The following BLOC1S6 variants were observed in gnomAD, a reference collection of about 807,000 sequenced individuals.
The protein encoded by BLOC1S6 is biogenesis of lysosome-related organelles complex 1 subunit 6.
Under a neutral mutation model 24.7 loss-of-function variants are expected in BLOC1S6, and 24 were observed. That is an observed-to-expected ratio of 0.97 (90% confidence interval 0.70 to 1.37). The LOEUF is 1.37. BLOC1S6 is among the 40% of genes most tolerant of loss of function. The pLI is 0.00. For missense variants in BLOC1S6, 175 were observed against 196.2 expected, an observed-to-expected ratio of 0.89 and a Z score of 0.64; for synonymous variants, 76 against 72.6, an observed-to-expected ratio of 1.05 and a Z score of -0.23.
chr15:45,592,314 C>T (rs1893917770), intron 2 of BLOC1S6, 38 bp downstream of exon 2: 1 of 1,609,142 alleles, frequency 6.2e-7, no homozygotes, highest in African/African-American at 1.3e-5. Context: ...CTCATTTCCT[C>T]TGTGGCATAG....
intron 1 of BLOC1S6, chr15:45,587,884 A>T: frequency 1.6e-6 from 1 of 638,138 alleles, no homozygotes; most frequent in Non-Finnish European, 2.8e-6. Flanking sequence ...GAGGTGACGT[A>T]TCCTATAATA....
chr15:45,590,314 A>G (rs549622372), intron 1 of BLOC1S6, among the ~76,000 whole-genome samples: 1 of 151,432 alleles, frequency 6.6e-6, no homozygotes, highest in Non-Finnish European at 1.5e-5. Flanking sequence ...AAGTTTGTTC[A>G]TGTGTTTCGT....
intron 2 of BLOC1S6, among the ~76,000 whole-genome samples, chr15:45,595,714 C>T (rs1894048954): frequency 1.3e-5 from 2 of 152,064 alleles, no homozygotes; most frequent in Non-Finnish European, 2.9e-5. Flanking sequence ...AAACTCATCA[C>T]CAAACCAAGG....
intron 1 of BLOC1S6, among the ~76,000 whole-genome samples, chr15:45,590,138 C>T (rs776749531): frequency 6.6e-6 from 1 of 152,046 alleles, no homozygotes; most frequent in Non-Finnish European, 1.5e-5. Flanking sequence ...ACTTCCTATA[C>T]AGTTGGTACA....
At chr15:45,596,897 A>G (rs960222997) in intron 2 of BLOC1S6, among the ~76,000 whole-genome samples, 4 of 151,916 alleles carry the variant, frequency 2.6e-5, no homozygotes, top group Non-Finnish European at 5.9e-5. Flanking sequence ...GCTGATCTTG[A>G]ACTTCTGACC....
chr15:45,600,220 T>C (rs1319447717), intron 2 of BLOC1S6, among the ~76,000 whole-genome samples: 2 of 147,080 alleles, frequency 1.4e-5, no homozygotes, highest in East Asian at 2.1e-4. Context: ...TTGGGAGATA[T>C]ACCTAATGCT....
intron 2 of BLOC1S6, among the ~76,000 whole-genome samples, chr15:45,596,759 A>G (rs150381458): frequency 1.6e-4 from 24 of 151,472 alleles, no homozygotes; most frequent in Non-Finnish European, 3.1e-4. Flanking sequence ...GCTCACTGCA[A>G]CCTCTGCCTC....
chr15:45,589,234 A>G (rs1802571118), intron 1 of BLOC1S6, among the ~76,000 whole-genome samples: 2 of 152,250 alleles, frequency 1.3e-5, no homozygotes, highest in African/African-American at 4.8e-5. Flanking sequence ...ATGTTTTAAA[A>G]GTTGCAGAAT....
intron 2 of BLOC1S6, chr15:45,597,969 C>T (rs1471810278): frequency 6.7e-6 from 2 of 297,504 alleles, no homozygotes; most frequent in African/African-American, 4.5e-5. Flanking sequence ...TCCAGCAGCA[C>T]ATCAAAAAGC....
intron 3 of BLOC1S6, among the ~76,000 whole-genome samples, chr15:45,605,152 G>T (rs112179012): frequency 6.6e-6 from 1 of 152,166 alleles, no homozygotes; most frequent in African/African-American, 2.4e-5. Flanking sequence ...AGAATTATAT[G>T]TTTTTAAAGC....
At chr15:45,592,358 CATA>C (rs1893919898) in intron 2 of BLOC1S6, 82 bp downstream of exon 2, 4 of 1,518,692 alleles carry the variant, frequency 2.6e-6, no homozygotes, top group Non-Finnish European at 3.6e-6. Context: ...TGTGTTAAGA[CATA>C]ATATTTTTTA....
At position 45,592,089 on chromosome 15, in the gene BLOC1S6, AT is replaced by A. The variant is rs150431466; in HGVS notation, c.83-45del. 3,068 of 1,605,922 alleles carry A rather than the reference AT, an allele frequency of 1.9e-3. 45 individuals are homozygous for A. The African/African-American group carries it at 0.038, about 20-fold the overall frequency. The stretch of plus-strand genomic sequence containing the variant: ...TGCTTCAGTTGACCAGCCTAAAAAA[AT>A]AAAATAAATAAAAGGTTCCTAAATT... On this transcript the variant is annotated intron_variant, in intron 1 of 4. Transcript: ENST00000220531.
chr15:45,592,117 G>T lies in BLOC1S6; in HGVS notation c.83-18G>T. 1.2e-6 allele frequency: 2 copies of T among 1,613,582 alleles called. No individual in the cohort carries two copies. The highest frequency in any genetic ancestry group is 1.1e-5 in the South Asian group (1 of 90,940). On this transcript the variant is annotated intron_variant, in intron 1 of 4. Coordinates refer to ENST00000220531, the MANE Select transcript of BLOC1S6 (RefSeq NM_012388.4). The stretch of plus-strand genomic sequence containing the variant: ...AAATAAATAAAAGGTTCCTAAATTT[G>T]ATTTTTGCTGGGGACAGGTTTAAGT...
Position 45,605,371 on chromosome 15 carries a change from C to A in BLOC1S6, c.313-57C>A, listed in dbSNP as rs1894411018. The stretch of plus-strand genomic sequence containing the variant: ...TCATTTATATATTGCCTTATTTATT[C>A]ATTTTGATATTTTAGTCTATTTTAA... On this transcript the variant is annotated intron_variant, in intron 3 of 4. Transcript: ENST00000220531. The A allele has an allele frequency of 1.9e-5, 26 of 1,369,270 alleles. No individual in the cohort carries two copies. The South Asian group carries it at 2.8e-4, about 15-fold the overall frequency. The allele number at this position is 1,369,270 out of a possible 1,614,324, so 84.8% of individuals were successfully genotyped here. A position where few individuals can be genotyped will look rare whatever the true frequency, so the allele number is the denominator to read the frequency against.
In BLOC1S6 at chr15:45,587,474, G is replaced by A. The variant is rs745685656; in HGVS notation, c.31G>A (p.Gly11Arg). ...TGTCCCTGGGCCGTCGTCTCCGGAC[G>A]GGGCCCTGACACGGCCACCCTACTG... MSVPGPSSPD[G>R]ALTRPPYCLE... The change falls in exon 1 of 5, where the codon GGG becomes AGG. Residue 11 changes from glycine to arginine, a missense_variant. Gly to Arg is a moderately radical substitution (Grantham distance 125). Transcript: ENST00000220531. 3 of 1,584,124 alleles carry A rather than the reference G, an allele frequency of 1.9e-6. No individual in the cohort carries two copies. Among genetic ancestry groups the A allele is most frequent in the South Asian group, 2.3e-5 (2 of 87,038 alleles).
intron 2 of BLOC1S6, among the ~76,000 whole-genome samples, chr15:45,593,386 G>GAAAAA (rs59495378): frequency 6.3e-5 from 4 of 63,342 alleles, no homozygotes; most frequent in African/African-American, 1.3e-4. Flanking sequence ...CTCTGTCTCC[G>GAAAAA]AAAAAAAAAA....
chr15:45,602,052 T>TTG (rs548467728), intron 2 of BLOC1S6, among the ~76,000 whole-genome samples: 36 of 151,972 alleles, frequency 2.4e-4, no homozygotes, highest in Admixed American at 1.1e-3. Flanking sequence ...AGCTCATTTT[T>TTG]TGTGTGTGTG....
rs2140923049 is a variant in BLOC1S6 at position 45,608,472 on chromosome 15, G to A, written c.*1958G>A. The A allele has an allele frequency of 6.6e-6, 1 of 152,304 alleles. No individual in the cohort carries two copies. The highest frequency in any genetic ancestry group is 1.9e-4 in the East Asian group (1 of 5,192). 9.4% of individuals were successfully genotyped at this position (152,304 alleles called of 1,614,324 possible). On this transcript the variant is annotated 3_prime_UTR_variant, in exon 5 of 5. Coordinates refer to ENST00000220531, the MANE Select transcript of BLOC1S6 (RefSeq NM_012388.4). ...TGAGTCATTTGGGACCAACTGCAGT[G>A]GTTGTTTAAAATGCTGGTTCCTGCA...
intron 3 of BLOC1S6, among the ~76,000 whole-genome samples, chr15:45,603,867 TAATA>T (rs1894354260): frequency 6.6e-6 from 1 of 152,192 alleles, no homozygotes; most frequent in African/African-American, 2.4e-5. Context: ...CATAATGCTA[TAATA>T]AATTAATGCT....
Sources: allele counts gnomAD v4.1 joint callset (sites outside exome capture counted in the v4.1 genomes callset), GRCh38; gene constraint gnomAD v4.1.1; transcripts MANE v1.5; gene names NCBI Gene and HGNC (gene_info 2026-07-23, HGNC 2026-07-21).